The following USH2A variants were observed in gnomAD, a reference collection of about 807,000 sequenced individuals.
The protein encoded by USH2A is Usher syndrome 2A (autosomal recessive, mild).
Under a neutral mutation model 538.9 loss-of-function variants are expected in USH2A, and 443 were observed. The observed-to-expected ratio is 0.82, with a 90% CI of 0.76 to 0.89. USH2A has a LOEUF of 0.89. USH2A is among the 40% of genes least tolerant of loss of function. The probability of loss-of-function intolerance (pLI) is 0.00; values close to 1 mark genes in which losing one functional copy is unlikely to be tolerated. For synonymous variants in USH2A, 2,413 were observed against 2,273.5 expected, an observed-to-expected ratio of 1.06 and a Z score of -1.75; for missense variants, 6,633 against 6,324.8, an observed-to-expected ratio of 1.05 and a Z score of -1.65.
At chr1:216,275,504 G>T (rs969648437) in intron 11 of USH2A, among the ~76,000 whole-genome samples, 1 of 152,050 alleles carries the variant, frequency 6.6e-6, no homozygotes, top group East Asian at 1.9e-4. Flanking sequence ...GGTAAAAGTT[G>T]CTAGGAACTT....
intron 47 of USH2A, among the ~76,000 whole-genome samples, chr1:215,818,063 G>T (rs925214624): frequency 6.6e-6 from 1 of 151,724 alleles, no homozygotes. Context: ...CTTTTCTTTA[G>T]CTTACTTATG....
Position 216,196,727 on chromosome 1 carries a change from C to T in USH2A, c.4082-5G>A, listed in dbSNP as rs2102460806. 6.2e-7 allele frequency: 1 copy of T among 1,611,968 alleles called. No homozygotes were observed. Among genetic ancestry groups the T allele is most frequent in the Non-Finnish European group, 8.5e-7 (1 of 1,178,914 alleles). On this transcript the variant is annotated splice_region_variant and splice_polypyrimidine_tract_variant and intron_variant, in intron 18 of 71. Transcript: ENST00000307340. ...GAGGGATCATGAATACAGGTGCTAT[C>T]AATGAGAACAATAACAATAACATCA...
At chr1:216,254,908 A>G (rs2036231635) in intron 11 of USH2A, among the ~76,000 whole-genome samples, 1 of 152,216 alleles carries the variant, frequency 6.6e-6, no homozygotes, top group Non-Finnish European at 1.5e-5. Context: ...ACGTTAATAG[A>G]TAAAATATCA....
At chr1:216,227,312 T>C (rs1255731334) in intron 14 of USH2A, among the ~76,000 whole-genome samples, 1 of 152,220 alleles carries the variant, frequency 6.6e-6, no homozygotes, top group African/African-American at 2.4e-5. Flanking sequence ...ATCTGATCTT[T>C]TATTTTTTAA....
intron 21 of USH2A, among the ~76,000 whole-genome samples, chr1:216,158,101 T>A (rs1238297514): frequency 6.6e-6 from 1 of 152,206 alleles, no homozygotes; most frequent in Admixed American, 6.5e-5. Flanking sequence ...TGCAGTCCAC[T>A]GAATAAATTT....
chr1:215,981,528 A>T (rs1336117589), intron 35 of USH2A, among the ~76,000 whole-genome samples: 1 of 152,074 alleles, frequency 6.6e-6, no homozygotes, highest in Non-Finnish European at 1.5e-5. Context: ...TTGACTTTCA[A>T]CCCTGTTGTT....
At chr1:215,640,477 G>A in intron 68 of USH2A, 81 bp downstream of exon 68, 1 of 1,573,192 alleles carries the variant, frequency 6.4e-7, no homozygotes. Context: ...AGCATCTGCT[G>A]GTCAGCTTTC....
chr1:215,726,332 A>C (rs1659816935), intron 61 of USH2A, among the ~76,000 whole-genome samples: 3 of 152,202 alleles, frequency 2.0e-5, no homozygotes, highest in African/African-American at 7.2e-5. Flanking sequence ...ACTCTAGTAC[A>C]TAATTTACTA....
intron 34 of USH2A, among the ~76,000 whole-genome samples, chr1:215,995,338 G>A (rs1020262080): frequency 6.6e-6 from 1 of 152,136 alleles, no homozygotes; most frequent in African/African-American, 2.4e-5. Context: ...CATTTTTCTT[G>A]TAAATGAAAT....
intron 35 of USH2A, among the ~76,000 whole-genome samples, chr1:215,972,697 A>G (rs1667526093): frequency 6.6e-6 from 1 of 152,202 alleles, no homozygotes; most frequent in Non-Finnish European, 1.5e-5. Flanking sequence ...AACCTTGTAT[A>G]GTTTACCATT....
At chr1:215,787,366 G>A (rs888310765) in intron 51 of USH2A, among the ~76,000 whole-genome samples, 1 of 152,164 alleles carries the variant, frequency 6.6e-6, no homozygotes, top group African/African-American at 2.4e-5. Context: ...CACTTCCTGT[G>A]TTGTTGGGGA....
rs928294104 is a variant in USH2A at position 216,000,680 on chromosome 1, T to C, written c.6326-118A>G. ...GTTAAGATAAGGCTTAAAATATGAATAAATAGCCATAAAAATCAATAGCAA... is the reference window on the plus strand; with the variant it reads ...GTTAAGATAAGGCTTAAAATATGAACAAATAGCCATAAAAATCAATAGCAA... On this transcript the variant is annotated intron_variant, in intron 32 of 71. Coordinates refer to ENST00000307340, the MANE Select transcript of USH2A (RefSeq NM_206933.4). 18 of 1,238,462 alleles carry C rather than the reference T, an allele frequency of 1.5e-5. No individual in the cohort carries two copies. The African/African-American group carries it at 2.3e-4, about 16-fold the overall frequency. The allele number at this position is 1,238,462 out of a possible 1,614,324, so 76.7% of individuals were successfully genotyped here.
chr1:215,710,035 A>G (rs909445557), intron 61 of USH2A, among the ~76,000 whole-genome samples: 7 of 152,232 alleles, frequency 4.6e-5, no homozygotes, highest in African/African-American at 1.7e-4. Context: ...ATTGCAAGTG[A>G]TCAGTTACAC....
chr1:216,356,670 A>G (rs2038397087), intron 4 of USH2A, among the ~76,000 whole-genome samples: 1 of 152,110 alleles, frequency 6.6e-6, no homozygotes, highest in African/African-American at 2.4e-5. Flanking sequence ...TTGATGGTGT[A>G]TACTATTCCA....
intron 27 of USH2A, among the ~76,000 whole-genome samples, chr1:216,077,255 A>G (rs2031783415): frequency 6.6e-6 from 1 of 152,148 alleles, no homozygotes; most frequent in Non-Finnish European, 1.5e-5. Context: ...TCAAACGTCT[A>G]TGAGTTAACT....
At chr1:215,661,452 C>T (rs1657432728) in intron 64 of USH2A, among the ~76,000 whole-genome samples, 1 of 152,158 alleles carries the variant, frequency 6.6e-6, no homozygotes, top group Admixed American at 6.5e-5. Flanking sequence ...GCTTCTGGCT[C>T]TTCCTACTCC....
rs559634493 is a variant in USH2A, at chr1:216,049,580, G to A, written c.6050-933C>T. 3.3e-5 allele frequency among the ~76,000 whole-genome samples: 5 copies of A among 152,140 alleles called. No individual in the cohort carries two copies. In the South Asian group the frequency reaches 1.0e-3, roughly 32 times the overall value. ...TTTTTATAAAAAGATGGCCCCACTC[G>A]TGGTGTCTCTTTATTGATGAAACCT... On this transcript the variant is annotated intron_variant, in intron 30 of 71. Transcript: ENST00000307340.
intron 61 of USH2A, among the ~76,000 whole-genome samples, chr1:215,691,435 G>A (rs1256249804): frequency 6.6e-6 from 1 of 151,952 alleles, no homozygotes; most frequent in African/African-American, 2.4e-5. Flanking sequence ...AAACAAGCTC[G>A]TGCCTTGAGG....
At chr1:215,985,338 G>C (rs961748518) in intron 35 of USH2A, among the ~76,000 whole-genome samples, 3 of 152,102 alleles carry the variant, frequency 2.0e-5, no homozygotes, top group African/African-American at 7.2e-5. Context: ...ACAAAATTTT[G>C]TTTTCATACA....
Sources: allele counts gnomAD v4.1 joint callset (sites outside exome capture counted in the v4.1 genomes callset), GRCh38; gene constraint gnomAD v4.1.1; transcripts MANE v1.5; gene names NCBI Gene and HGNC (gene_info 2026-07-23, HGNC 2026-07-21).